Variants in ADARB2 observed in about 807,000 individuals in gnomAD.
ADARB2 encodes the protein inactive double-stranded RNA-specific editase B2.
Under a neutral mutation model 62.2 loss-of-function variants are expected in ADARB2, and 25 were observed. The ratio of observed to expected loss-of-function variants is 0.40; its 90% CI spans 0.29 to 0.56. The LOEUF (loss-of-function observed/expected upper bound fraction) is 0.56, where lower values mean the gene tolerates loss of function less well. Among genes scored for constraint, ADARB2 ranks in the 20% least tolerant of loss-of-function variants. The pLI is 0.43. For missense variants in ADARB2, 1,071 were observed against 1,077.4 expected, an observed-to-expected ratio of 0.99 and a Z score of 0.08; for synonymous variants, 572 against 500.8, an observed-to-expected ratio of 1.14 and a Z score of -1.90.
intron 1 of ADARB2, chr10:1,678,303 CTCAGGGTGAGCGTCT>C: frequency 1.0e-6 from 1 of 985,148 alleles, no homozygotes; most frequent in Non-Finnish European, 1.2e-6. Context: ...GGTGAGCATC[CTCAGGGTGAGCGTCT>C]TCAGGGTGAA....
chr10:1,327,596 A>T (rs868838446), intron 3 of ADARB2, among the ~76,000 whole-genome samples: 5 of 55,654 alleles, frequency 9.0e-5, no homozygotes, highest in African/African-American at 8.7e-5. Flanking sequence ...TCCTCACTGC[A>T]CAGCGCCTCC....
intron 1 of ADARB2, among the ~76,000 whole-genome samples, chr10:1,488,226 A>AAAAAAT (rs1831569232): frequency 1.4e-5 from 1 of 73,072 alleles, no homozygotes; most frequent in Admixed American, 1.1e-4. Flanking sequence ...TTTGGCAAAG[A>AAAAAAT]AAAAAAAAAA....
At chr10:1,273,201 A>G (rs1363134475) in intron 3 of ADARB2, among the ~76,000 whole-genome samples, 2 of 151,196 alleles carry the variant, frequency 1.3e-5, no homozygotes, top group East Asian at 3.9e-4. Context: ...GGGCTGTTCA[A>G]CCTGCTGCAC....
chr10:1,447,929 A>G (rs1200997836), intron 1 of ADARB2, among the ~76,000 whole-genome samples: 1 of 152,156 alleles, frequency 6.6e-6, no homozygotes, highest in African/African-American at 2.4e-5. Context: ...TTATAGCTGC[A>G]TAGTATTGCA....
At chr10:1,402,225 C>T (rs1832669883) in intron 1 of ADARB2, among the ~76,000 whole-genome samples, 1 of 152,192 alleles carries the variant, frequency 6.6e-6, no homozygotes, top group Admixed American at 6.5e-5. Flanking sequence ...AAGGCTGTCT[C>T]ATTCTGCTCT....
intron 1 of ADARB2, among the ~76,000 whole-genome samples, chr10:1,457,763 A>G (rs1031527659): frequency 6.6e-6 from 1 of 152,042 alleles, no homozygotes; most frequent in African/African-American, 2.4e-5. Context: ...CAGGATAGAT[A>G]TCCCCCTGTT....
At chr10:1,504,652 C>A (rs1831813474) in intron 1 of ADARB2, among the ~76,000 whole-genome samples, 1 of 152,188 alleles carries the variant, frequency 6.6e-6, no homozygotes, top group Non-Finnish European at 1.5e-5. Context: ...AAAAGCCAGT[C>A]TGCAGGTGGG....
chr10:1,217,244 G>T (rs1830637501), intron 6 of ADARB2, 125 bp from the exon 7 acceptor site: 2 of 981,080 alleles, frequency 2.0e-6, no homozygotes, highest in African/African-American at 1.7e-5. Flanking sequence ...CGTTTGGCAC[G>T]AGGAAGGGGC....
At chr10:1,380,755 G>A (rs2805509) in intron 1 of ADARB2, among the ~76,000 whole-genome samples, 8,073 of 152,220 alleles carry the variant, frequency 0.053, 751 homozygotes, top group African/African-American at 0.18. Flanking sequence ...ACCAGGGAAG[G>A]GTTTGCTCTC....
chr10:1,559,070 C>T (rs1048701253), intron 1 of ADARB2, among the ~76,000 whole-genome samples: 2 of 152,206 alleles, frequency 1.3e-5, no homozygotes, highest in African/African-American at 2.4e-5. Context: ...AGACAGTCCA[C>T]GTACACATCC....
intron 1 of ADARB2, among the ~76,000 whole-genome samples, chr10:1,382,689 G>A (rs934600026): frequency 4.0e-5 from 6 of 148,596 alleles, no homozygotes; most frequent in African/African-American, 1.5e-4. Context: ...AGCTTCTGAT[G>A]AAAAAAGGAT....
chr10:1,190,763 C>A (rs1323117809), intron 8 of ADARB2, among the ~76,000 whole-genome samples: 1 of 152,224 alleles, frequency 6.6e-6, no homozygotes, highest in Non-Finnish European at 1.5e-5. Flanking sequence ...CAGGCAGGAC[C>A]CACTGAGATA....
intron 1 of ADARB2, among the ~76,000 whole-genome samples, chr10:1,491,527 CA>C (rs1831621861): frequency 6.6e-6 from 1 of 152,198 alleles, no homozygotes; most frequent in Non-Finnish European, 1.5e-5. Flanking sequence ...GCTCTAGAGT[CA>C]TCCTGCCTGA....
At chr10:1,316,200 C>T (rs991356926) in intron 3 of ADARB2, among the ~76,000 whole-genome samples, 6 of 152,210 alleles carry the variant, frequency 3.9e-5, no homozygotes, top group South Asian at 2.1e-4. Flanking sequence ...ATTTTTGAAG[C>T]GAGTTCATTT....
At chr10:1,697,183 C>T (rs2119135490) in intron 1 of ADARB2, among the ~76,000 whole-genome samples, 1 of 152,228 alleles carries the variant, frequency 6.6e-6, no homozygotes, top group South Asian at 2.1e-4. Context: ...TGCTGTGGGT[C>T]TGGTTATTTG....
intron 1 of ADARB2, among the ~76,000 whole-genome samples, chr10:1,458,965 G>A (rs1257284643): frequency 2.6e-5 from 4 of 152,164 alleles, no homozygotes; most frequent in Non-Finnish European, 5.9e-5. Context: ...GATCATTAGA[G>A]AAATGCAAAT....
chr10:1,225,893 G>C (rs989977045), intron 6 of ADARB2, among the ~76,000 whole-genome samples: 5 of 152,026 alleles, frequency 3.3e-5, no homozygotes, highest in Non-Finnish European at 7.4e-5. Flanking sequence ...GTGTCTTGGA[G>C]CTGCTCTTCT....
intron 1 of ADARB2, among the ~76,000 whole-genome samples, chr10:1,494,792 G>A (rs1312447893): frequency 6.6e-6 from 1 of 152,112 alleles, no homozygotes; most frequent in African/African-American, 2.4e-5. Context: ...CCTCCCAAAC[G>A]TTTACCATGT....
At chr10:1,656,579 T>C (rs1358163426) in intron 1 of ADARB2, among the ~76,000 whole-genome samples, 1 of 152,164 alleles carries the variant, frequency 6.6e-6, no homozygotes, top group Non-Finnish European at 1.5e-5. Context: ...TCTATTCCTC[T>C]AGTGCGTGGT....
Sources: allele counts gnomAD v4.1 joint callset (sites outside exome capture counted in the v4.1 genomes callset), GRCh38; gene constraint gnomAD v4.1.1; transcripts MANE v1.5; gene names NCBI Gene and HGNC (gene_info 2026-07-23, HGNC 2026-07-21).